The following FHL1 variants were observed in gnomAD, a reference collection of about 807,000 sequenced individuals.
The protein encoded by FHL1 is four and a half LIM domains protein 1.
A neutral mutation model predicts 20.3 loss-of-function variants in FHL1; 1 was observed. That is an observed-to-expected ratio of 0.05 (90% confidence interval 0.02 to 0.23). The LOEUF is 0.23. FHL1 is among the 10% of genes least tolerant of loss of function. FHL1 has a pLI of 1.00. For synonymous variants in FHL1, 82 were observed against 88.9 expected, an observed-to-expected ratio of 0.92 and a Z score of 0.44; for missense variants, 177 against 234.0, an observed-to-expected ratio of 0.76 and a Z score of 1.59.
In FHL1 at chrX:136,206,400, C is replaced by T. The variant is rs1191649410; in HGVS notation, c.23-7C>T. On this transcript the variant is annotated splice_region_variant and splice_polypyrimidine_tract_variant and intron_variant, in intron 1 of 5. Transcript: ENST00000370683. ...TGGTCATTTGTCCTGTCTGCTTGCC[C>T]CCGCAGGTCCCTCCAGCTACAAGGT... 1 of 1,211,579 alleles carries T rather than the reference C, an allele frequency of 8.3e-7. No individual in the cohort carries two copies. The highest frequency in any genetic ancestry group is 2.2e-5 in the Admixed American group (1 of 46,086).
chrX:136,168,432 G>A (rs1196003201), upstream of FHL1: 4 of 111,449 alleles, frequency 3.6e-5, no homozygotes, highest in African/African-American at 1.3e-4. Context: ...ACATTTTACC[G>A]GACAAAGAAA....
At chrX:136,173,657 G>T (rs1034838450) in intron 2 of FHL1, among the ~76,000 whole-genome samples, 1 of 110,097 alleles carries the variant, frequency 9.1e-6, no homozygotes, top group African/African-American at 3.3e-5. Context: ...CTCCTGTTTG[G>T]CTACACTAGG....
chrX:136,162,058 G>A (rs2072581471), intron 1 of FHL1, among the ~76,000 whole-genome samples: 1 of 106,255 alleles, frequency 9.4e-6, no homozygotes, highest in Non-Finnish European at 1.9e-5. Context: ...GGGATATGGA[G>A]GTGGCAGTGA....
At chrX:136,172,368 C>A (rs761590842) in intron 2 of FHL1, among the ~76,000 whole-genome samples, 1 of 112,595 alleles carries the variant, frequency 8.9e-6, no homozygotes, top group Non-Finnish European at 1.9e-5. Flanking sequence ...TGATATTCTT[C>A]AAGGGTGGGA....
chrX:136,172,612 T>C (rs1017383893), intron 2 of FHL1, among the ~76,000 whole-genome samples: 7 of 113,192 alleles, frequency 6.2e-5, no homozygotes, highest in African/African-American at 2.2e-4. Context: ...CCGAAGGCCC[T>C]AAAATGAAAA....
rs1420796502 is a variant in FHL1, at chrX:136,210,703, G to C, written c.*678G>C. 32 of 387,982 alleles carry C rather than the reference G, an allele frequency of 8.2e-5. No individual in the cohort carries two copies. The East Asian group carries it at 1.7e-3, about 21-fold the overall frequency. 32.0% of individuals were successfully genotyped at this position (387,982 alleles called of 1,213,427 possible). On this transcript the variant is annotated 3_prime_UTR_variant, in exon 6 of 6. Coordinates refer to ENST00000370683, the MANE Select transcript of FHL1 (RefSeq NM_001159699.2). ...AAGCATGGAACATGCAGGTGATTTG[G>C]GAAGTGTAGAAAGACCTGAGAAAAC...
chrX:136,208,733 G>A, intron 5 of FHL1, 92 bp downstream of exon 5: 1 of 906,098 alleles, frequency 1.1e-6, no homozygotes, highest in Non-Finnish European at 1.6e-6. Context: ...CATCCACAAA[G>A]GCCCCCAGAG....
upstream of FHL1, among the ~76,000 whole-genome samples, chrX:136,196,530 C>T (rs1569529757): frequency 9.0e-6 from 1 of 111,328 alleles, no homozygotes; most frequent in Non-Finnish European, 1.9e-5. Context: ...CTTTCCTGTA[C>T]AGTAATCTGC....
intron 2 of FHL1, among the ~76,000 whole-genome samples, chrX:136,187,574 C>A (rs1402361801): frequency 2.7e-5 from 3 of 111,472 alleles, no homozygotes; most frequent in African/African-American, 9.8e-5. Flanking sequence ...TGTGTGATTC[C>A]ATTTTTATGA....
chrX:136,193,453 A>C (rs189696049), upstream of FHL1, among the ~76,000 whole-genome samples: 8 of 112,055 alleles, frequency 7.1e-5, no homozygotes, highest in East Asian at 2.2e-3. Context: ...TTCTACTGTA[A>C]TCTTACTGTT....
At chrX:136,203,956 A>G (rs1186600218) in intron 1 of FHL1, among the ~76,000 whole-genome samples, 1 of 112,325 alleles carries the variant, frequency 8.9e-6, no homozygotes, top group Non-Finnish European at 1.9e-5. Flanking sequence ...TTTGGAATCA[A>G]TTTCTGCTTA....
intron 1 of FHL1, among the ~76,000 whole-genome samples, chrX:136,155,770 A>G (rs771900675): frequency 7.3e-5 from 8 of 109,478 alleles, no homozygotes; most frequent in Admixed American, 6.9e-4. Context: ...AAAAACTCAC[A>G]GATAGGAAAT....
intron 1 of FHL1, among the ~76,000 whole-genome samples, chrX:136,199,117 G>A (rs976139275): frequency 1.3e-4 from 15 of 111,676 alleles, no homozygotes; most frequent in African/African-American, 4.2e-4. Context: ...GGTCAGAAAT[G>A]CTTTTTTTCC....
intron 2 of FHL1, among the ~76,000 whole-genome samples, chrX:136,174,817 G>T (rs762372176): frequency 9.0e-6 from 1 of 111,521 alleles, no homozygotes; most frequent in South Asian, 3.8e-4. Flanking sequence ...TGAAATGTAG[G>T]GATTAGAGCT....
chrX:136,206,739 C>A, intron 2 of FHL1, 151 bp downstream of exon 2: 1 of 798,669 alleles, frequency 1.3e-6, no homozygotes, highest in Admixed American at 2.4e-5. Context: ...CTCCCCAGGC[C>A]ACAGTGGCCC....
intron 2 of FHL1, among the ~76,000 whole-genome samples, chrX:136,184,075 G>T (rs1265681511): frequency 9.0e-6 from 1 of 111,568 alleles, no homozygotes; most frequent in Non-Finnish European, 1.9e-5. Flanking sequence ...AACTCTGGAG[G>T]GAATTGATAT....
At chrX:136,190,188 T>G (rs1309124418) in intron 2 of FHL1, among the ~76,000 whole-genome samples, 1 of 111,929 alleles carries the variant, frequency 8.9e-6, no homozygotes, top group African/African-American at 3.3e-5. Context: ...TGATGGCTTC[T>G]GCTCCTCTAG....
intron 5 of FHL1, chrX:136,209,069 CT>C (rs200797162): frequency 5.0e-3 from 1,773 of 351,388 alleles, no homozygotes; most frequent in Admixed American, 5.7e-3. Flanking sequence ...GGCAGGGTTT[CT>C]TTTTTTTTTG....
chrX:136,150,370 T>TC (rs767755728), intron 1 of FHL1, among the ~76,000 whole-genome samples: 22 of 111,584 alleles, frequency 2.0e-4, no homozygotes, highest in Non-Finnish European at 3.9e-4. Context: ...CTCTCCTTTC[T>TC]CCCCCGTCCG....
Sources: gnomAD v4.1 joint callset for allele counts (sites outside exome capture counted in the v4.1 genomes callset) on GRCh38, gnomAD v4.1.1 for gene constraint, MANE v1.5 for transcripts, NCBI Gene and HGNC (gene_info 2026-07-23, HGNC 2026-07-21) for gene names.